Variants in CNTNAP2 observed in about 807,000 individuals in gnomAD.
The protein encoded by CNTNAP2 is contactin-associated protein-like 2.
A neutral mutation model predicts 155.2 loss-of-function variants in CNTNAP2; 98 were observed. The observed-to-expected ratio is 0.63, with a 90% CI of 0.54 to 0.75. The LOEUF is 0.75. Among genes scored for constraint, CNTNAP2 ranks in the 30% least tolerant of loss-of-function variants. CNTNAP2 has a pLI of 0.00. For synonymous variants in CNTNAP2, 651 were observed against 631.2 expected (o/e 1.03, Z -0.47); for missense variants, 1,727 against 1,688.1 (o/e 1.02, Z -0.40).
rs530649300 is a variant in CNTNAP2, at chr7:146,930,889, T to A, written c.402+90985T>A. The stretch of plus-strand genomic sequence containing the variant: ...TTAATTCAACAAGAAGAGCTAACTA[T>A]CCTAAATATATATGCACCCAATACA... On this transcript the variant is annotated intron_variant, in intron 3 of 23. Coordinates refer to ENST00000361727, the MANE Select transcript of CNTNAP2 (RefSeq NM_014141.6). Among the ~76,000 whole-genome samples, 776 of 152,224 alleles carry A rather than the reference T, an allele frequency of 5.1e-3. 6 individuals carry two copies. The highest frequency in any genetic ancestry group is 8.1e-3 in the Non-Finnish European group (552 of 68,018).
chr7:146,426,185 C>CAAAAAAAAAAAA lies in CNTNAP2; in HGVS notation c.97+309226_97+309237dup, dbSNP rs57484419. On this transcript the variant is annotated intron_variant, in intron 1 of 23. Coordinates refer to ENST00000361727, the MANE Select transcript of CNTNAP2 (RefSeq NM_014141.6). ...TGGGCTACAGAGTGAGACTTCGCCTCAAAAAAAAAAAAAAAAAAAAAAAAA... is the reference window on the plus strand; with the variant it reads ...TGGGCTACAGAGTGAGACTTCGCCTCAAAAAAAAAAAAAAAAAAAAAAAAAAAAAAAAAAAAA... 2.6e-3 allele frequency among the ~76,000 whole-genome samples: 140 copies of CAAAAAAAAAAAA among 54,622 alleles called. 6 individuals carry two copies. The highest frequency in any genetic ancestry group is 0.01 in the African/African-American group (135 of 13,452). 35.8% of individuals were successfully genotyped at this position (54,622 alleles called of 152,430 possible).
At chr7:147,403,650 T>C (rs928823294) in intron 10 of CNTNAP2, among the ~76,000 whole-genome samples, 3 of 152,180 alleles carry the variant, frequency 2.0e-5, no homozygotes, top group Non-Finnish European at 4.4e-5. Flanking sequence ...CTCAAAAATA[T>C]AGCTTTTTCC....
chr7:147,995,063 C>T (rs1801778707), intron 15 of CNTNAP2, among the ~76,000 whole-genome samples: 1 of 152,126 alleles, frequency 6.6e-6, no homozygotes, highest in African/African-American at 2.4e-5. Context: ...CACTTAATTC[C>T]CCCAGCTATT....
intron 14 of CNTNAP2, among the ~76,000 whole-genome samples, chr7:147,909,075 A>G (rs1800015508): frequency 6.6e-6 from 1 of 152,188 alleles, no homozygotes; most frequent in Admixed American, 6.5e-5. Flanking sequence ...TTAGCTAAAA[A>G]TTATTTTAAA....
At chr7:147,093,519 A>T (rs561615208) in intron 4 of CNTNAP2, among the ~76,000 whole-genome samples, 1 of 152,266 alleles carries the variant, frequency 6.6e-6, no homozygotes, top group African/African-American at 2.4e-5. Context: ...TTTAGCGAAT[A>T]CTGAATTATT....
At chr7:148,126,488 G>A (rs1314595377) in intron 16 of CNTNAP2, among the ~76,000 whole-genome samples, 2 of 152,200 alleles carry the variant, frequency 1.3e-5, no homozygotes, top group East Asian at 1.9e-4. Context: ...GACAGGTCAC[G>A]GTTAGTGAAA....
intron 1 of CNTNAP2, among the ~76,000 whole-genome samples, chr7:146,228,374 T>A (rs1470570571): frequency 6.6e-6 from 1 of 152,228 alleles, no homozygotes; most frequent in East Asian, 1.9e-4. Context: ...TTAATCTCAC[T>A]GGACCTCAGT....
intron 1 of CNTNAP2, among the ~76,000 whole-genome samples, chr7:146,576,780 G>A (rs960151757): frequency 1.3e-5 from 2 of 152,058 alleles, no homozygotes; most frequent in Admixed American, 1.3e-4. Context: ...TTGTAAAATA[G>A]TACATTCATA....
At chr7:146,941,473 A>C (rs1056939905) in intron 3 of CNTNAP2, among the ~76,000 whole-genome samples, 1 of 152,122 alleles carries the variant, frequency 6.6e-6, no homozygotes, top group Admixed American at 6.5e-5. Flanking sequence ...GTGATTACTA[A>C]TTTAATAGTT....
intron 11 of CNTNAP2, among the ~76,000 whole-genome samples, chr7:147,524,061 T>C (rs957622055): frequency 2.0e-5 from 3 of 152,200 alleles, no homozygotes; most frequent in African/African-American, 7.2e-5. Context: ...AGATCTCTTA[T>C]TCTTCACTGA....
intron 15 of CNTNAP2, among the ~76,000 whole-genome samples, chr7:147,980,158 A>G (rs1404814738): frequency 3.9e-5 from 6 of 152,232 alleles, no homozygotes; most frequent in Admixed American, 3.9e-4. Context: ...AAAATATTGG[A>G]AAACACAAAT....
chr7:147,805,369 A>T (rs1291463343), intron 13 of CNTNAP2, among the ~76,000 whole-genome samples: 1 of 152,180 alleles, frequency 6.6e-6, no homozygotes, highest in Non-Finnish European at 1.5e-5. Flanking sequence ...ATCATCTAAA[A>T]ACAAGGATAA....
chr7:148,093,900 G>A (rs1268732605), intron 15 of CNTNAP2, among the ~76,000 whole-genome samples: 1 of 152,078 alleles, frequency 6.6e-6, no homozygotes, highest in Non-Finnish European at 1.5e-5. Flanking sequence ...GTAACTACAG[G>A]CCAGTGCCAC....
intron 1 of CNTNAP2, among the ~76,000 whole-genome samples, chr7:146,699,989 A>G (rs1585047942): frequency 6.6e-6 from 1 of 152,190 alleles, no homozygotes; most frequent in African/African-American, 2.4e-5. Context: ...AAAAGAAGGA[A>G]ATATTCAGGG....
chr7:147,255,777 C>T lies in CNTNAP2; in HGVS notation c.1349-44364C>T, dbSNP rs566316118. 5.3e-5 allele frequency among the ~76,000 whole-genome samples: 8 copies of T among 152,192 alleles called. No homozygotes were observed. The South Asian group carries it at 1.7e-3, about 32-fold the overall frequency. ...TTGTTTATTTATTGAGCCTTCGTCA[C>T]CCAGGCTGGAGTACAGTAGTGCAAT... On this transcript the variant is annotated intron_variant, in intron 8 of 23. Coordinates refer to ENST00000361727, the MANE Select transcript of CNTNAP2 (RefSeq NM_014141.6).
At chr7:146,948,734 T>A (rs936798730) in intron 3 of CNTNAP2, among the ~76,000 whole-genome samples, 1 of 152,208 alleles carries the variant, frequency 6.6e-6, no homozygotes, top group African/African-American at 2.4e-5. Context: ...TCCTTGCAAT[T>A]TTATACATCT....
At position 147,093,278 on chromosome 7, in the gene CNTNAP2, G is replaced by A. The variant is rs545484727; in HGVS notation, c.551-14869G>A. The stretch of plus-strand genomic sequence containing the variant: ...AAAAAAAGAAAAAGAAAAGGTGTAC[G>A]TATGTCAGATGATACAATGCAGCAT... On this transcript the variant is annotated intron_variant, in intron 4 of 23. Coordinates refer to ENST00000361727, the MANE Select transcript of CNTNAP2 (RefSeq NM_014141.6). Among the ~76,000 whole-genome samples, 10 of 150,480 alleles carry A rather than the reference G, an allele frequency of 6.6e-5. No homozygotes were observed. The South Asian group carries it at 8.4e-4, about 13-fold the overall frequency.
chr7:148,025,901 C>T (rs185564329), intron 15 of CNTNAP2, among the ~76,000 whole-genome samples: 3 of 152,114 alleles, frequency 2.0e-5, no homozygotes, highest in African/African-American at 4.8e-5. Context: ...TATTAAGATG[C>T]ATATGTGGCT....
At chr7:147,644,446 A>G (rs764070017) in intron 13 of CNTNAP2, among the ~76,000 whole-genome samples, 1 of 151,942 alleles carries the variant, frequency 6.6e-6, no homozygotes, top group Non-Finnish European at 1.5e-5. Flanking sequence ...CATGGTGAAA[A>G]CCCGTCTCTA....
Sources: gnomAD v4.1 joint callset for allele counts (sites outside exome capture counted in the v4.1 genomes callset) on GRCh38, gnomAD v4.1.1 for gene constraint, MANE v1.5 for transcripts, NCBI Gene and HGNC (gene_info 2026-07-23, HGNC 2026-07-21) for gene names.